TIAM1: variants seen among roughly 807,000 people sequenced by gnomAD.
TIAM1 encodes rho guanine nucleotide exchange factor TIAM1.
In TIAM1, 65 loss-of-function variants were observed where a neutral mutation model predicts 163.5. The ratio of observed to expected loss-of-function variants is 0.40; its 90% confidence interval spans 0.33 to 0.49. The LOEUF is 0.49. TIAM1 is among the 20% of genes least tolerant of loss of function. TIAM1 has a pLI of 0.77. For missense variants in TIAM1, 1,789 were observed against 2,044.7 expected (o/e 0.87, Z 2.41); for synonymous variants, 833 against 810.1 (o/e 1.03, Z -0.48).
intron 13 of TIAM1, among the ~76,000 whole-genome samples, chr21:31,187,406 C>T (rs1238160012): frequency 6.6e-6 from 1 of 152,110 alleles, no homozygotes; most frequent in Non-Finnish European, 1.5e-5. Context: ...TCCTCCAAAG[C>T]AGAAAACAGA....
At chr21:31,280,179 A>G (rs563706136) in intron 2 of TIAM1, among the ~76,000 whole-genome samples, 1 of 152,300 alleles carries the variant, frequency 6.6e-6, no homozygotes, top group African/African-American at 2.4e-5. Context: ...ATGGTTTGGC[A>G]GTGCCCCCAC....
chr21:31,413,269 T>TTTTC (rs2043267792), intron 2 of TIAM1, among the ~76,000 whole-genome samples: 1 of 132,372 alleles, frequency 7.6e-6, no homozygotes. Context: ...CTTTTCTTTT[T>TTTTC]TTTTTTTTTT....
intron 9 of TIAM1, among the ~76,000 whole-genome samples, chr21:31,215,715 TA>T (rs2087163165): frequency 6.6e-6 from 1 of 152,008 alleles, no homozygotes. Flanking sequence ...TAGATTTACA[TA>T]AAAGTAAAAC....
chr21:31,139,387 AAAG>A (rs937270775), intron 22 of TIAM1, among the ~76,000 whole-genome samples: 1 of 152,244 alleles, frequency 6.6e-6, no homozygotes. Context: ...ATAATAAAAA[AAAG>A]TTTACAGTAT....
intron 2 of TIAM1, among the ~76,000 whole-genome samples, chr21:31,436,302 G>A (rs2044206333): frequency 6.6e-6 from 1 of 152,146 alleles, no homozygotes; most frequent in African/African-American, 2.4e-5. Context: ...CACTTAATAA[G>A]CAAAGGACTC....
chr21:31,375,619 A>T (rs1259169933), intron 2 of TIAM1, among the ~76,000 whole-genome samples: 1 of 152,224 alleles, frequency 6.6e-6, no homozygotes, highest in Non-Finnish European at 1.5e-5. Context: ...TTCTTATATC[A>T]AAAAAGCCAG....
intron 1 of TIAM1, among the ~76,000 whole-genome samples, chr21:31,481,542 G>A (rs995675181): frequency 6.6e-6 from 1 of 152,064 alleles, no homozygotes; most frequent in Non-Finnish European, 1.5e-5. Flanking sequence ...CCCACACTTC[G>A]GCTTGACCAA....
intron 3 of TIAM1, among the ~76,000 whole-genome samples, chr21:31,270,238 C>T (rs140227791): frequency 8.5e-5 from 13 of 152,180 alleles, no homozygotes; most frequent in East Asian, 3.9e-4. Context: ...CAGTAAATAT[C>T]GGTGCATTTT....
chr21:31,380,216 C>A (rs1472582094), intron 2 of TIAM1, among the ~76,000 whole-genome samples: 1 of 151,996 alleles, frequency 6.6e-6, no homozygotes, highest in Non-Finnish European at 1.5e-5. Context: ...TTGGAGCACG[C>A]CACCGCACTC....
At chr21:31,547,650 G>A (rs2048540347) in intron 1 of TIAM1, among the ~76,000 whole-genome samples, 1 of 152,182 alleles carries the variant, frequency 6.6e-6, no homozygotes, top group African/African-American at 2.4e-5. Flanking sequence ...CACTGAAATT[G>A]TAACTTCTAA....
At chr21:31,351,753 C>T (rs2076237793) in intron 2 of TIAM1, among the ~76,000 whole-genome samples, 1 of 152,082 alleles carries the variant, frequency 6.6e-6, no homozygotes, top group Non-Finnish European at 1.5e-5. Context: ...AAAGCTCTAC[C>T]CCTGGAATAC....
At position 31,267,032 on chromosome 21, in the gene TIAM1, G is replaced by A. The variant is rs2072817067; in HGVS notation, c.-11-49C>T. The A allele has an allele frequency of 3.9e-6, 6 of 1,522,686 alleles. No individual in the cohort carries two copies. In the Admixed American group the frequency reaches 1.0e-4, roughly 26 times the overall value. The allele number at this position is 1,522,686 out of a possible 1,614,324, so 94.3% of individuals were successfully genotyped here. A position where few individuals can be genotyped will look rare whatever the true frequency, so the allele number is the denominator to read the frequency against. Reference sequence around the variant, plus strand: ...GGAGAATTGAGTCACTATTAGTACAGGTATAGGCATCTTAGAGAAAGCGCT... The same window carrying A: ...GGAGAATTGAGTCACTATTAGTACAAGTATAGGCATCTTAGAGAAAGCGCT... On this transcript the variant is annotated intron_variant, in intron 3 of 27. Transcript: ENST00000541036.
intron 20 of TIAM1, among the ~76,000 whole-genome samples, chr21:31,146,061 C>T (rs564459323): frequency 6.6e-6 from 1 of 152,112 alleles, no homozygotes; most frequent in South Asian, 2.1e-4. Context: ...ATTTCTAAAC[C>T]CCCTACGTTT....
intron 16 of TIAM1, among the ~76,000 whole-genome samples, chr21:31,156,218 C>T (rs1367209115): frequency 2.0e-5 from 3 of 152,172 alleles, no homozygotes; most frequent in African/African-American, 7.2e-5. Flanking sequence ...CAGAGGAGAG[C>T]CAGGACCCAC....
chr21:31,469,079 C>T (rs980858878), intron 1 of TIAM1, among the ~76,000 whole-genome samples: 1 of 110,922 alleles, frequency 9.0e-6, no homozygotes, highest in Non-Finnish European at 1.8e-5. Flanking sequence ...GAACCAATCC[C>T]TTTTTTTTTT....
intron 1 of TIAM1, among the ~76,000 whole-genome samples, chr21:31,551,496 TGG>T (rs1569428686): frequency 6.6e-6 from 1 of 152,052 alleles, no homozygotes; most frequent in Non-Finnish European, 1.5e-5. Flanking sequence ...TCCAGAACTT[TGG>T]GAGGCTGAGG....
chr21:31,213,865 A>AC (rs1363299832), intron 9 of TIAM1, among the ~76,000 whole-genome samples: 2 of 133,086 alleles, frequency 1.5e-5, no homozygotes, highest in African/African-American at 5.8e-5. Context: ...CCTCATCTCT[A>AC]CAAAAAAAAA....
At chr21:31,218,098 C>G (rs531821798) in intron 8 of TIAM1, among the ~76,000 whole-genome samples, 11 of 152,114 alleles carry the variant, frequency 7.2e-5, no homozygotes, top group Non-Finnish European at 1.6e-4. Context: ...GGTGCTAAAG[C>G]GTCAGCAACA....
At chr21:31,126,996 G>GT in intron 26 of TIAM1, 69 bp downstream of exon 26, 2 of 1,491,576 alleles carry the variant, frequency 1.3e-6, no homozygotes, top group Non-Finnish European at 1.9e-6. Context: ...AGAACACAAC[G>GT]TAAGACACCA....
Sources: gnomAD v4.1 joint callset for allele counts (sites outside exome capture counted in the v4.1 genomes callset) on GRCh38, gnomAD v4.1.1 for gene constraint, MANE v1.5 for transcripts, NCBI Gene and HGNC (gene_info 2026-07-23, HGNC 2026-07-21) for gene names.